The following MATCAP1 variants were observed in gnomAD, a reference collection of about 807,000 sequenced individuals.
MATCAP1 encodes microtubule associated tyrosine carboxypeptidase 1, also known as microtubule-associated tyrosine carboxypeptidase 1.
At chr16:67,180,301 G>A in the MATCAP1 span, 117 of 1,612,440 alleles carry the variant, frequency 7.3e-5, no homozygotes, top group African/African-American at 6.0e-4. Context: ...TTCCGTCCCC[G>A]TCCAGGTGGA....
chr16:67,180,173 G>A, the MATCAP1 span: 1 of 1,614,090 alleles, frequency 6.2e-7, no homozygotes, highest in East Asian at 2.2e-5. Context: ...GGTCCATGTT[G>A]GTTGGCCGCA....
At chr16:67,180,397 C>T in the MATCAP1 span, 2 of 1,612,668 alleles carry the variant, frequency 1.2e-6, no homozygotes, top group Non-Finnish European at 1.7e-6. Flanking sequence ...CCACGGTGGC[C>T]CAGGAGCATC....
At chr16:67,179,026 G>T in the MATCAP1 span, 1 of 970,440 alleles carries the variant, frequency 1.0e-6, no homozygotes, top group Non-Finnish European at 1.3e-6. The surrounding 1 kb of genome is among the most constrained non-coding windows in gnomAD (Gnocchi z 5.2). Flanking sequence ...CAGGTGCCAT[G>T]TGTCCTCAAG....
At chr16:67,178,974 C>T in the MATCAP1 span, 5 of 439,318 alleles carry the variant, frequency 1.1e-5, no homozygotes, top group Non-Finnish European at 1.9e-5. Flanking sequence ...GTGGTTAGTG[C>T]CCTGCACCCC....
chr16:67,179,493 A>G, the MATCAP1 span: 53 of 1,612,962 alleles, frequency 3.3e-5, no homozygotes, highest in Middle Eastern at 1.9e-4. This position sits in a 1 kb window ranked among gnomAD's most constrained non-coding sequence, Gnocchi z 5.2. Flanking sequence ...TTGATCGCCA[A>G]TGTGGGCCGG....
chr16:67,176,061 GTGT>G, the MATCAP1 span: 2 of 4,108 alleles, frequency 4.9e-4, no homozygotes, highest in African/African-American at 7.0e-4. This position sits in a 1 kb window ranked among gnomAD's most constrained non-coding sequence, Gnocchi z 4.3. Context: ...ATCAGTGTGT[GTGT>G]GTGTGTGTGT....
chr16:67,179,041 G>T, the MATCAP1 span: 1 of 1,089,584 alleles, frequency 9.2e-7, no homozygotes, highest in Non-Finnish European at 1.2e-6. This position sits in a 1 kb window ranked among gnomAD's most constrained non-coding sequence, Gnocchi z 5.2. Flanking sequence ...CTCAAGTCAA[G>T]TCCATTCCCA....
the MATCAP1 span, chr16:67,178,321 C>T: frequency 7.0e-5 from 110 of 1,582,298 alleles, no homozygotes; most frequent in Non-Finnish European, 8.8e-5. Flanking sequence ...GCGCGCGGCG[C>T]GGTGGATGGT....
the MATCAP1 span, chr16:67,180,306 G>C: frequency 3.1e-6 from 5 of 1,612,384 alleles, no homozygotes; most frequent in East Asian, 1.1e-4. Context: ...TCCCCGTCCA[G>C]GTGGAGGCCG....
At chr16:67,179,681 C>A in the MATCAP1 span, 1 of 1,485,350 alleles carries the variant, frequency 6.7e-7, no homozygotes, top group Non-Finnish European at 9.3e-7. The surrounding 1 kb of genome is among the most constrained non-coding windows in gnomAD (Gnocchi z 5.2). Flanking sequence ...CCCTTCATCA[C>A]CTCTGCTCAG....
At chr16:67,179,278 G>T in the MATCAP1 span, 2 of 1,486,922 alleles carry the variant, frequency 1.3e-6, no homozygotes, top group East Asian at 2.3e-5. The surrounding 1 kb of genome is among the most constrained non-coding windows in gnomAD (Gnocchi z 5.2). Context: ...AGCAGAGGGC[G>T]GGAGGTGGCT....
the MATCAP1 span, chr16:67,183,592 C>T: frequency 6.6e-6 from 1 of 152,470 alleles, no homozygotes; most frequent in African/African-American, 2.4e-5. Flanking sequence ...GGGAGGAGCC[C>T]CCCACTATTA....
the MATCAP1 span, among the ~76,000 whole-genome samples, chr16:67,177,469 A>G: frequency 6.6e-6 from 1 of 151,966 alleles, no homozygotes; most frequent in South Asian, 2.1e-4. Context: ...TTCATCTCCA[A>G]CCCAGCGGCC....
the MATCAP1 span, chr16:67,178,909 A>G: frequency 2.3e-6 from 1 of 435,998 alleles, no homozygotes; most frequent in Middle Eastern, 3.3e-4. Context: ...GGTAAAAATC[A>G]CTCTTGCCCA....
At chr16:67,181,341 C>T in the MATCAP1 span, among the ~76,000 whole-genome samples, 1 of 152,210 alleles carries the variant, frequency 6.6e-6, no homozygotes, top group Non-Finnish European at 1.5e-5. Context: ...TACGCCGGTA[C>T]CCCCCAGAAT....
At chr16:67,180,514 G>A in the MATCAP1 span, 22 of 1,569,048 alleles carry the variant, frequency 1.4e-5, no homozygotes, top group South Asian at 2.4e-5. Flanking sequence ...GGCCCATCTC[G>A]GTCTGAGGGC....
the MATCAP1 span, chr16:67,180,288 G>C: frequency 6.2e-7 from 1 of 1,612,460 alleles, no homozygotes; most frequent in South Asian, 1.1e-5. Context: ...GCCCCCACCT[G>C]GGTTCCGTCC....
the MATCAP1 span, chr16:67,177,040 G>A: frequency 2.8e-6 from 4 of 1,405,024 alleles, no homozygotes; most frequent in Non-Finnish European, 1.9e-6. Flanking sequence ...GCTGGTCCCA[G>A]CCCACTGCTT....
the MATCAP1 span, chr16:67,183,305 G>A: frequency 2.6e-5 from 4 of 152,122 alleles, no homozygotes; most frequent in Non-Finnish European, 5.9e-5. Context: ...TCACGTCTCG[G>A]GTCCTTCCGC....
Sources: gnomAD v4.1 joint callset for allele counts (sites outside exome capture counted in the v4.1 genomes callset) on GRCh38, gnomAD v4.1.1 for gene constraint, Gnocchi (gnomAD v3.1) non-coding constraint, MANE v1.5 for transcripts, NCBI Gene and HGNC (gene_info 2026-07-23, HGNC 2026-07-21) for gene names.